LIMS1: variants seen among roughly 807,000 people sequenced by gnomAD.
LIMS1 encodes the protein LIM and senescent cell antigen-like-containing domain protein 1.
A neutral mutation model predicts 44.1 loss-of-function variants in LIMS1; 18 were observed. The ratio of observed to expected loss-of-function variants is 0.41; its 90% CI spans 0.28 to 0.61. The LOEUF (loss-of-function observed/expected upper bound fraction) is 0.61, where lower values mean the gene tolerates loss of function less well. Among genes scored for constraint, LIMS1 ranks in the 20% least tolerant of loss-of-function variants. LIMS1 has a pLI of 0.32. For missense variants in LIMS1, 201 were observed against 422.0 expected, an observed-to-expected ratio of 0.48 and a Z score of 4.59; for synonymous variants, 93 against 149.1, an observed-to-expected ratio of 0.62 and a Z score of 2.74.
chr2:108,633,172 A>C (rs1198844898), intron 1 of LIMS1, among the ~76,000 whole-genome samples: 1 of 152,168 alleles, frequency 6.6e-6, no homozygotes, highest in African/African-American at 2.4e-5. Flanking sequence ...CTTAATTCTT[A>C]CTAATTGATT....
At chr2:108,546,434 A>G (rs1190048612) in intron 1 of LIMS1, among the ~76,000 whole-genome samples, 1 of 151,994 alleles carries the variant, frequency 6.6e-6, no homozygotes, top group East Asian at 1.9e-4. Context: ...GGTGTGAGCC[A>G]CGGTGCCTGG....
chr2:108,587,402 T>A (rs1299235881), intron 1 of LIMS1, among the ~76,000 whole-genome samples: 1 of 151,830 alleles, frequency 6.6e-6, no homozygotes, highest in East Asian at 1.9e-4. Flanking sequence ...TCTCCCTATG[T>A]TGCCTAGTCT....
exon 10 of LIMS1, chr2:108,684,515 T>G (rs1402100417): frequency 6.6e-6 from 1 of 152,138 alleles, no homozygotes; most frequent in African/African-American, 2.4e-5. Context: ...AATATGCACA[T>G]TACTAAGACA....
chr2:108,546,854 T>C (rs1684499728), intron 1 of LIMS1, among the ~76,000 whole-genome samples: 1 of 152,200 alleles, frequency 6.6e-6, no homozygotes, highest in African/African-American at 2.4e-5. Context: ...CTGTGCATGT[T>C]TTATAATGGA....
chr2:108,638,222 T>C (rs571499171), intron 1 of LIMS1, among the ~76,000 whole-genome samples: 2 of 152,354 alleles, frequency 1.3e-5, no homozygotes, highest in African/African-American at 4.8e-5. Flanking sequence ...AGGTGGCTTA[T>C]AGATTTCAAA....
chr2:108,539,068 T>A (rs1374776384), intron 1 of LIMS1, among the ~76,000 whole-genome samples: 1 of 152,200 alleles, frequency 6.6e-6, no homozygotes, highest in African/African-American at 2.4e-5. Context: ...TTTGAACATC[T>A]CTGCCAGAGT....
intron 1 of LIMS1, among the ~76,000 whole-genome samples, chr2:108,545,485 C>T (rs1004572059): frequency 2.6e-5 from 4 of 152,114 alleles, no homozygotes; most frequent in Non-Finnish European, 5.9e-5. Context: ...CCACCTGCCT[C>T]GCCTCGGCTT....
chr2:108,618,221 G>A (rs957104972), intron 1 of LIMS1, among the ~76,000 whole-genome samples: 2 of 152,082 alleles, frequency 1.3e-5, no homozygotes, highest in African/African-American at 2.4e-5. Context: ...TTGGAAACCC[G>A]CAGAAAATGC....
At chr2:108,539,915 C>T (rs1360999053) in intron 1 of LIMS1, among the ~76,000 whole-genome samples, 3 of 152,042 alleles carry the variant, frequency 2.0e-5, no homozygotes, top group Admixed American at 6.6e-5. Context: ...TTCTTACCTT[C>T]GAATTTTCTC....
chr2:108,672,143 GACA>G (rs1425070655), intron 3 of LIMS1, among the ~76,000 whole-genome samples, 179 bp from the exon 4 acceptor site: 9 of 138,850 alleles, frequency 6.5e-5, no homozygotes, highest in African/African-American at 5.5e-5. Context: ...CTCCAGCCTG[GACA>G]ACAAGAGCGA....
At chr2:108,562,287 C>T (rs1266475533) in intron 1 of LIMS1, among the ~76,000 whole-genome samples, 1 of 152,150 alleles carries the variant, frequency 6.6e-6, no homozygotes, top group African/African-American at 2.4e-5. Flanking sequence ...AAGGAAGAAT[C>T]ACACATCTCT....
chr2:108,649,203 G>A (rs1268688517), intron 1 of LIMS1, among the ~76,000 whole-genome samples: 1 of 152,206 alleles, frequency 6.6e-6, no homozygotes, highest in African/African-American at 2.4e-5. Flanking sequence ...AGATATTTAT[G>A]CAGCCAACAG....
intron 1 of LIMS1, among the ~76,000 whole-genome samples, chr2:108,625,622 GT>G (rs1391443485): frequency 6.6e-6 from 1 of 151,122 alleles, no homozygotes; most frequent in African/African-American, 2.4e-5. Context: ...ATCCCTAATA[GT>G]TTAGGAGTAA....
intron 1 of LIMS1, among the ~76,000 whole-genome samples, chr2:108,654,600 C>T (rs1419784216): frequency 6.6e-6 from 1 of 152,114 alleles, no homozygotes; most frequent in Non-Finnish European, 1.5e-5. Flanking sequence ...TGCCAGCAGC[C>T]TCAGCCTCAG....
At chr2:108,568,918 G>A (rs947051591) in intron 1 of LIMS1, among the ~76,000 whole-genome samples, 1 of 151,834 alleles carries the variant, frequency 6.6e-6, no homozygotes, top group African/African-American at 2.4e-5. Context: ...TTGAGATGGA[G>A]TCTCACTCTG....
intron 1 of LIMS1, among the ~76,000 whole-genome samples, chr2:108,547,373 A>G (rs1684515166): frequency 6.6e-6 from 1 of 152,172 alleles, no homozygotes; most frequent in South Asian, 2.1e-4. Flanking sequence ...TAGTGTCTCC[A>G]GCATAGGTCA....
chr2:108,641,371 T>G (rs1356777068), intron 1 of LIMS1, among the ~76,000 whole-genome samples: 1 of 152,234 alleles, frequency 6.6e-6, no homozygotes, highest in Non-Finnish European at 1.5e-5. Flanking sequence ...GGGAGTTTCT[T>G]GAAGACAATT....
At chr2:108,643,512 T>C (rs1689850542) in intron 1 of LIMS1, among the ~76,000 whole-genome samples, 1 of 152,120 alleles carries the variant, frequency 6.6e-6, no homozygotes, top group Admixed American at 6.5e-5. Context: ...AGATTCCCTC[T>C]GAAGCCTACA....
intron 1 of LIMS1, among the ~76,000 whole-genome samples, chr2:108,539,788 T>C (rs905977804): frequency 6.6e-6 from 1 of 152,220 alleles, no homozygotes; most frequent in Non-Finnish European, 1.5e-5. Flanking sequence ...AATGAAGTCA[T>C]CATTTCCCAT....
Sources: allele counts gnomAD v4.1 joint callset (sites outside exome capture counted in the v4.1 genomes callset), GRCh38; gene constraint gnomAD v4.1.1; transcripts MANE v1.5; gene names NCBI Gene and HGNC (gene_info 2026-07-23, HGNC 2026-07-21).